Variants in HHAT observed in about 807,000 individuals in gnomAD.
HHAT encodes hedgehog acyltransferase.
Under a neutral mutation model 70.8 loss-of-function variants are expected in HHAT, and 47 were observed. The observed-to-expected ratio is 0.66, with a 90% CI of 0.53 to 0.85. The LOEUF is 0.85. HHAT is among the 40% of genes least tolerant of loss of function. The probability of loss-of-function intolerance (pLI) is 0.00; values close to 1 mark genes in which losing one functional copy is unlikely to be tolerated. For synonymous variants in HHAT, 228 were observed against 247.6 expected (o/e 0.92, Z 0.74); for missense variants, 609 against 604.8 (o/e 1.01, Z -0.07).
chr1:210,349,218 G>GT, intron 2 of HHAT, 152 bp downstream of exon 2: 1 of 797,356 alleles, frequency 1.3e-6, no homozygotes. Flanking sequence ...GTTTGAATCA[G>GT]TGACCTGAGT....
At chr1:210,560,220 A>G (rs1434203878) in intron 9 of HHAT, among the ~76,000 whole-genome samples, 1 of 152,114 alleles carries the variant, frequency 6.6e-6, no homozygotes, top group Non-Finnish European at 1.5e-5. Flanking sequence ...ATGGTCCTTT[A>G]TTTCTTTGCT....
chr1:210,618,627 T>G (rs1415623631), intron 10 of HHAT, among the ~76,000 whole-genome samples: 2 of 152,126 alleles, frequency 1.3e-5, no homozygotes, highest in Non-Finnish European at 2.9e-5. Context: ...CAGCCCCACA[T>G]GCAGCCCCTC....
At chr1:210,636,083 G>A (rs1671816880) in intron 11 of HHAT, among the ~76,000 whole-genome samples, 2 of 152,208 alleles carry the variant, frequency 1.3e-5, no homozygotes, top group South Asian at 4.1e-4. Context: ...TGTGTCTGCT[G>A]TGTTCTTGTA....
intron 3 of HHAT, among the ~76,000 whole-genome samples, chr1:210,363,728 AT>A (rs1489161274): frequency 1.3e-5 from 2 of 151,950 alleles, no homozygotes; most frequent in Admixed American, 1.3e-4. Context: ...TTTTCTAAGT[AT>A]TTTTATATGT....
chr1:210,361,696 A>T (rs2088332235), intron 2 of HHAT, among the ~76,000 whole-genome samples: 1 of 151,730 alleles, frequency 6.6e-6, no homozygotes, highest in Admixed American at 6.6e-5. Flanking sequence ...TGTTGATCTG[A>T]TATGCATTAA....
chr1:210,627,309 G>A (rs1441858211), intron 11 of HHAT, among the ~76,000 whole-genome samples: 2 of 152,156 alleles, frequency 1.3e-5, no homozygotes, highest in African/African-American at 2.4e-5. Context: ...TGTTTCCCAG[G>A]GAGCCCTCTC....
At chr1:210,617,466 A>G (rs1326600485) in intron 10 of HHAT, among the ~76,000 whole-genome samples, 1 of 152,234 alleles carries the variant, frequency 6.6e-6, no homozygotes, top group Non-Finnish European at 1.5e-5. Context: ...AGAGATATGC[A>G]GACTGGAGGT....
chr1:210,469,779 C>T (rs1260990066), intron 8 of HHAT, among the ~76,000 whole-genome samples: 2 of 152,090 alleles, frequency 1.3e-5, no homozygotes, highest in African/African-American at 4.8e-5. Context: ...GGTGATCCTC[C>T]TGCCTCAGCT....
At chr1:210,376,014 A>ATTTT (rs57707354) in intron 3 of HHAT, among the ~76,000 whole-genome samples, 35 of 108,884 alleles carry the variant, frequency 3.2e-4, no homozygotes, top group African/African-American at 1.1e-3. Context: ...TGCACAGCTA[A>ATTTT]TTTTTTTTTT....
At chr1:210,366,632 A>T (rs1385653144) in intron 3 of HHAT, among the ~76,000 whole-genome samples, 12 of 152,282 alleles carry the variant, frequency 7.9e-5, no homozygotes, top group Non-Finnish European at 1.8e-4. Flanking sequence ...CTAAAAATAA[A>T]ATCAAAAACA....
At position 210,513,195 on chromosome 1, in the gene HHAT, CAAT is replaced by C. The variant is rs1260822646; in HGVS notation, c.1043+11_1043+13del. The stretch of plus-strand genomic sequence containing the variant: ...TGCATAATTTCTTAATCAGGTAAGC[CAAT>C]AATTTTTATTTTAGATAACATTGAA... On this transcript the variant is annotated splice_region_variant and intron_variant, in intron 9 of 11. Coordinates refer to ENST00000261458, the MANE Select transcript of HHAT (RefSeq NM_018194.6). The C allele has an allele frequency of 7.0e-7, 1 of 1,437,788 alleles. No homozygotes were observed. Among genetic ancestry groups the C allele is most frequent in the African/African-American group, 1.4e-5 (1 of 71,104 alleles). 89.1% of individuals were successfully genotyped at this position (1,437,788 alleles called of 1,614,324 possible). A position where few individuals can be genotyped will look rare whatever the true frequency, so the allele number is the denominator to read the frequency against.
intron 9 of HHAT, among the ~76,000 whole-genome samples, chr1:210,567,059 GC>G (rs575062795): frequency 6.6e-6 from 1 of 152,116 alleles, no homozygotes; most frequent in Non-Finnish European, 1.5e-5. Flanking sequence ...CTGTCTCTGT[GC>G]CCCCCCTCCA....
intron 11 of HHAT, among the ~76,000 whole-genome samples, chr1:210,670,892 G>A (rs1574138486): frequency 6.6e-6 from 1 of 151,020 alleles, no homozygotes; most frequent in African/African-American, 2.4e-5. Context: ...GGGAAACTGA[G>A]GCCCTAGTAG....
intron 9 of HHAT, among the ~76,000 whole-genome samples, chr1:210,581,944 C>T (rs1659364816): frequency 6.6e-6 from 1 of 152,136 alleles, no homozygotes; most frequent in Non-Finnish European, 1.5e-5. Flanking sequence ...ATACACACAT[C>T]ACATATCTAG....
chr1:210,574,873 A>G (rs911594815), intron 9 of HHAT, among the ~76,000 whole-genome samples: 1 of 152,250 alleles, frequency 6.6e-6, no homozygotes, highest in South Asian at 2.1e-4. Context: ...TTTAAGTTGC[A>G]CAAGTTTATT....
intron 8 of HHAT, among the ~76,000 whole-genome samples, chr1:210,476,474 A>G (rs1047473483): frequency 1.3e-5 from 2 of 152,142 alleles, no homozygotes; most frequent in South Asian, 2.1e-4. Context: ...CCAACCTTCT[A>G]TTAGAAATTC....
At chr1:210,658,279 C>T (rs1421791872) in intron 11 of HHAT, among the ~76,000 whole-genome samples, 2 of 152,200 alleles carry the variant, frequency 1.3e-5, no homozygotes, top group South Asian at 2.1e-4. Context: ...TTCCTCCCAG[C>T]ATCTACTCTT....
At chr1:210,464,910 A>T (rs2094067671) in intron 8 of HHAT, among the ~76,000 whole-genome samples, 1 of 152,160 alleles carries the variant, frequency 6.6e-6, no homozygotes, top group African/African-American at 2.4e-5. Flanking sequence ...ACAAAGGGTT[A>T]TGTTTGAAGT....
chr1:210,374,311 T>C (rs550342477), intron 3 of HHAT: 8 of 152,334 alleles, frequency 5.3e-5, no homozygotes, highest in African/African-American at 1.9e-4. Flanking sequence ...TAACCGCAAC[T>C]CCTAGTACGC....
Sources: gnomAD v4.1 joint callset for allele counts (sites outside exome capture counted in the v4.1 genomes callset) on GRCh38, gnomAD v4.1.1 for gene constraint, MANE v1.5 for transcripts, NCBI Gene and HGNC (gene_info 2026-07-23, HGNC 2026-07-21) for gene names.